SGCZ: variants seen among roughly 807,000 people sequenced by gnomAD.
SGCZ encodes the protein sarcoglycan zeta, also known as zeta-sarcoglycan.
SGCZ carries 40 observed loss-of-function variants against 41.3 expected under a neutral mutation model. The observed-to-expected ratio is 0.97, with a 90% CI of 0.75 to 1.26. The LOEUF is 1.26. Ranked by LOEUF, SGCZ falls within the 50% of genes most tolerant of loss-of-function variation. SGCZ has a pLI of 0.00. For synonymous variants in SGCZ, 206 were observed against 137.5 expected (o/e 1.50, Z -3.49); for missense variants, 552 against 369.8 (o/e 1.49, Z -4.04).
chr8:14,555,148 A>AAT (rs1192374762), intron 1 of SGCZ, among the ~76,000 whole-genome samples: 1 of 151,932 alleles, frequency 6.6e-6, no homozygotes, highest in Non-Finnish European at 1.5e-5. Flanking sequence ...TTATATCCAC[A>AAT]ATATATATAT....
chr8:14,623,801 T>C (rs1806361949), intron 1 of SGCZ, among the ~76,000 whole-genome samples: 1 of 152,154 alleles, frequency 6.6e-6, no homozygotes, highest in Non-Finnish European at 1.5e-5. Context: ...AGTCAATAAT[T>C]TAGACCATAG....
intron 1 of SGCZ, among the ~76,000 whole-genome samples, chr8:15,086,601 G>A (rs1412890185): frequency 6.6e-6 from 1 of 152,066 alleles, no homozygotes; most frequent in Non-Finnish European, 1.5e-5. Flanking sequence ...ACATAGTGAA[G>A]CTGCAAATTA....
At chr8:15,054,649 A>G (rs1563471622) in intron 1 of SGCZ, among the ~76,000 whole-genome samples, 2 of 152,004 alleles carry the variant, frequency 1.3e-5, no homozygotes, top group Admixed American at 6.6e-5. Context: ...AAAATTATTT[A>G]TCTTCTTTAA....
intron 2 of SGCZ, among the ~76,000 whole-genome samples, chr8:14,354,371 A>G (rs1023603163): frequency 3.3e-5 from 5 of 151,886 alleles, no homozygotes; most frequent in African/African-American, 9.7e-5. Flanking sequence ...GTAGAAAAGA[A>G]TTTTTTAAAA....
At chr8:14,174,616 G>A (rs1443821351) in intron 4 of SGCZ, among the ~76,000 whole-genome samples, 1 of 151,952 alleles carries the variant, frequency 6.6e-6, no homozygotes, top group Non-Finnish European at 1.5e-5. Flanking sequence ...AAATAAAAAA[G>A]AAACAACACT....
chr8:15,197,156 C>T (rs113887933), intron 1 of SGCZ, among the ~76,000 whole-genome samples: 6 of 152,346 alleles, frequency 3.9e-5, no homozygotes, highest in African/African-American at 1.4e-4. Context: ...CAAAATATCA[C>T]AGCTACATTG....
At chr8:15,186,192 G>A (rs1585652286) in intron 1 of SGCZ, among the ~76,000 whole-genome samples, 1 of 146,984 alleles carries the variant, frequency 6.8e-6, no homozygotes, top group African/African-American at 2.5e-5. Flanking sequence ...AACCCGGGAG[G>A]CGGAGCTTGC....
intron 2 of SGCZ, among the ~76,000 whole-genome samples, chr8:14,473,225 A>G (rs1801262138): frequency 6.6e-6 from 1 of 152,180 alleles, no homozygotes; most frequent in African/African-American, 2.4e-5. Flanking sequence ...TGTATTAGAG[A>G]AACAGATAAA....
chr8:14,281,468 T>C (rs111577881), intron 3 of SGCZ, among the ~76,000 whole-genome samples: 891 of 39,168 alleles, frequency 0.023, 7 homozygotes, highest in African/African-American at 0.034. Context: ...TTTTATATCA[T>C]AGAACTTTGA....
At chr8:14,627,986 C>G (rs1373735651) in intron 1 of SGCZ, among the ~76,000 whole-genome samples, 1 of 152,014 alleles carries the variant, frequency 6.6e-6, no homozygotes, top group Admixed American at 6.6e-5. Context: ...TGATATTAGA[C>G]CCACACATCA....
intron 1 of SGCZ, among the ~76,000 whole-genome samples, chr8:14,970,503 T>C (rs1369788237): frequency 6.6e-6 from 1 of 152,166 alleles, no homozygotes; most frequent in Non-Finnish European, 1.5e-5. Context: ...TTATATAGTA[T>C]GAAGTATGGA....
chr8:14,090,452 C>G lies in SGCZ; in HGVS notation c.930G>C (p.Leu310=). 6.2e-7 allele frequency: 1 copy of G among 1,611,748 alleles called. No individual in the cohort carries two copies. The highest frequency in any genetic ancestry group is 1.7e-5 in the Admixed American group (1 of 59,728). The stretch of plus-strand genomic sequence containing the variant: ...GGAGAAATCAGTCACTTCAGCTCCA[C>G]AGGCAGATGTTGCTACTGGACTGAC... ...STCQSSSNIC[L]WS is the part of the protein sequence containing the mutation. The change falls in exon 8 of 8, where the codon CTG becomes CTC. Residue 310 remains leucine (L), a synonymous_variant. Coordinates refer to ENST00000382080, the MANE Select transcript of SGCZ (RefSeq NM_139167.4).
chr8:15,072,570 G>A (rs117069101), intron 1 of SGCZ, among the ~76,000 whole-genome samples: 5,805 of 152,168 alleles, frequency 0.038, 144 homozygotes, highest in Non-Finnish European at 0.056. Context: ...TGCTTTTCTA[G>A]CTAAGCTGTG....
At chr8:15,093,468 A>G (rs896500162) in intron 1 of SGCZ, among the ~76,000 whole-genome samples, 3 of 152,230 alleles carry the variant, frequency 2.0e-5, no homozygotes, top group East Asian at 1.9e-4. Context: ...ATAATTTTGT[A>G]GTATAATCAG....
At chr8:14,971,737 C>T (rs2130865378) in intron 1 of SGCZ, among the ~76,000 whole-genome samples, 1 of 150,928 alleles carries the variant, frequency 6.6e-6, no homozygotes, top group Admixed American at 6.6e-5. Context: ...GCAACCTCCA[C>T]CTCCCGGGTT....
chr8:14,573,587 T>C (rs1276402879), intron 1 of SGCZ, among the ~76,000 whole-genome samples: 1 of 152,210 alleles, frequency 6.6e-6, no homozygotes, highest in Non-Finnish European at 1.5e-5. Context: ...ACAGTATCTT[T>C]CTACTTGGAT....
intron 3 of SGCZ, chr8:14,309,370 G>C: frequency 6.2e-7 from 1 of 1,604,820 alleles, no homozygotes; most frequent in East Asian, 2.2e-5. Context: ...TAATTACATT[G>C]AACAGTCAGC....
At chr8:14,336,291 G>A (rs1164058189) in intron 2 of SGCZ, among the ~76,000 whole-genome samples, 1 of 152,070 alleles carries the variant, frequency 6.6e-6, no homozygotes, top group Non-Finnish European at 1.5e-5. Flanking sequence ...TAGTGTATAG[G>A]TGCCACATTT....
chr8:14,287,856 G>A (rs562740044), intron 3 of SGCZ, among the ~76,000 whole-genome samples: 56 of 152,180 alleles, frequency 3.7e-4, no homozygotes, highest in African/African-American at 1.3e-3. Flanking sequence ...TTTTTGCTGA[G>A]TCTTCATTTG....
Sources: gnomAD v4.1 joint callset for allele counts (sites outside exome capture counted in the v4.1 genomes callset) on GRCh38, gnomAD v4.1.1 for gene constraint, MANE v1.5 for transcripts, NCBI Gene and HGNC (gene_info 2026-07-23, HGNC 2026-07-21) for gene names.